Variants in HPSE2 observed in about 807,000 individuals in gnomAD.
HPSE2 encodes the protein heparanase 2 (inactive).
In HPSE2, 38 loss-of-function variants were observed where a neutral mutation model predicts 60.5. The observed-to-expected ratio is 0.63, with a 90% CI of 0.48 to 0.82. The LOEUF (loss-of-function observed/expected upper bound fraction) is 0.82. HPSE2 is among the 40% of genes least tolerant of loss of function. The pLI is 0.00. For synonymous variants in HPSE2, 295 were observed against 293.2 expected, an observed-to-expected ratio of 1.01 and a Z score of -0.06; for missense variants, 713 against 740.4, an observed-to-expected ratio of 0.96 and a Z score of 0.43.
At chr10:98,871,016 C>G (rs1187944949) in intron 3 of HPSE2, among the ~76,000 whole-genome samples, 7 of 151,820 alleles carry the variant, frequency 4.6e-5, no homozygotes, top group Admixed American at 4.6e-4. Flanking sequence ...CGCACTGGCT[C>G]CCTTTCCCTT....
At chr10:99,027,036 A>G (rs1957392383) in intron 3 of HPSE2, among the ~76,000 whole-genome samples, 1 of 152,120 alleles carries the variant, frequency 6.6e-6, no homozygotes, top group African/African-American at 2.4e-5. Flanking sequence ...TTCAAATGAA[A>G]AATCTAATAA....
intron 3 of HPSE2, among the ~76,000 whole-genome samples, chr10:99,036,216 GAATA>G: frequency 6.6e-6 from 1 of 152,038 alleles, no homozygotes; most frequent in African/African-American, 2.4e-5. Flanking sequence ...CCCTGACTCA[GAATA>G]AATAAACTAA....
intron 9 of HPSE2, among the ~76,000 whole-genome samples, chr10:98,545,804 G>C (rs950394149): frequency 5.9e-5 from 9 of 151,294 alleles, no homozygotes; most frequent in African/African-American, 2.2e-4. Flanking sequence ...TCTGGCCAGG[G>C]CAATTAGGCA....
chr10:99,030,764 T>C (rs367787134), intron 3 of HPSE2, among the ~76,000 whole-genome samples: 3 of 152,090 alleles, frequency 2.0e-5, no homozygotes, highest in Admixed American at 2.0e-4. Flanking sequence ...ATAAAGAAAA[T>C]GTAGTACATA....
At chr10:98,507,755 C>T (rs1012616830) in intron 9 of HPSE2, among the ~76,000 whole-genome samples, 2 of 152,110 alleles carry the variant, frequency 1.3e-5, no homozygotes, top group African/African-American at 4.8e-5. Context: ...TCCCTTTGTT[C>T]CTCCTTCTTC....
At chr10:99,276,815 C>A in the HPSE2 span, among the ~76,000 whole-genome samples, 2 of 152,012 alleles carry the variant, frequency 1.3e-5, no homozygotes, top group Non-Finnish European at 2.9e-5. Flanking sequence ...AAATTAGATG[C>A]CGTGGAGTGA....
At chr10:99,210,939 G>C (rs1342108226) in intron 2 of HPSE2, among the ~76,000 whole-genome samples, 1 of 152,066 alleles carries the variant, frequency 6.6e-6, no homozygotes, top group Non-Finnish European at 1.5e-5. Context: ...GCATAAAGAA[G>C]AAATAAAGGC....
At chr10:99,044,405 C>T (rs749625676) in intron 3 of HPSE2, among the ~76,000 whole-genome samples, 10 of 152,174 alleles carry the variant, frequency 6.6e-5, no homozygotes, top group African/African-American at 9.7e-5. Context: ...CATAAACACA[C>T]TTAAGCACAT....
intron 3 of HPSE2, among the ~76,000 whole-genome samples, chr10:99,062,426 G>C (rs920240260): frequency 1.3e-5 from 2 of 152,288 alleles, no homozygotes; most frequent in South Asian, 4.1e-4. Flanking sequence ...CATTCTTCCA[G>C]TCATTCTTCT....
chr10:98,481,674 T>C lies in HPSE2; in HGVS notation c.1613+962A>G, dbSNP rs141530063. 2.2e-3 allele frequency among the ~76,000 whole-genome samples: 330 copies of C among 152,272 alleles called. 1 individual carries two copies. Among genetic ancestry groups the C allele is most frequent in the African/African-American group, 7.4e-3 (308 of 41,554 alleles). ...TTTTTTGCTCCCATTGCAAATACAA[T>C]TGGAAGCCAAATGCAAGCCACCAAG... On this transcript the variant is annotated intron_variant, in intron 11 of 11. Transcript: ENST00000370552.
chr10:98,962,781 C>A (rs1291195907), intron 3 of HPSE2, among the ~76,000 whole-genome samples: 1 of 150,358 alleles, frequency 6.7e-6, no homozygotes, highest in African/African-American at 2.5e-5. Context: ...TTCTTATACA[C>A]CAACAACAGA....
chr10:98,598,402 T>C (rs1417260693), intron 9 of HPSE2, among the ~76,000 whole-genome samples: 1 of 151,628 alleles, frequency 6.6e-6, no homozygotes, highest in African/African-American at 2.4e-5. Context: ...ATTAATTGGG[T>C]CAATTAGGGC....
chr10:98,966,566 C>T (rs1452687284), intron 3 of HPSE2, among the ~76,000 whole-genome samples: 1 of 152,106 alleles, frequency 6.6e-6, no homozygotes, highest in Non-Finnish European at 1.5e-5. Flanking sequence ...AAACAGGAAA[C>T]AGTTAAATGG....
intron 3 of HPSE2, among the ~76,000 whole-genome samples, chr10:99,132,278 A>T (rs1845473113): frequency 6.6e-6 from 1 of 150,736 alleles, no homozygotes; most frequent in Non-Finnish European, 1.5e-5. Flanking sequence ...AAAGAAAGAA[A>T]AGAAATTACC....
At chr10:98,694,966 G>A (rs1948173793) in intron 5 of HPSE2, among the ~76,000 whole-genome samples, 1 of 152,198 alleles carries the variant, frequency 6.6e-6, no homozygotes, top group Non-Finnish European at 1.5e-5. Context: ...CCTCCAGGGA[G>A]AAGGATGGTG....
At chr10:99,303,749 T>C in the HPSE2 span, among the ~76,000 whole-genome samples, 4 of 152,312 alleles carry the variant, frequency 2.6e-5, no homozygotes, top group African/African-American at 9.6e-5. Context: ...AGTGGTAACA[T>C]GATGCTGTGG....
chr10:98,679,038 A>C (rs142075068), intron 6 of HPSE2, among the ~76,000 whole-genome samples: 163 of 152,312 alleles, frequency 1.1e-3, no homozygotes, highest in Non-Finnish European at 2.1e-3. Context: ...CAGAAGGAAG[A>C]GTGGTAACTA....
intron 3 of HPSE2, among the ~76,000 whole-genome samples, chr10:98,757,825 A>T (rs948121131): frequency 6.6e-6 from 1 of 152,208 alleles, no homozygotes; most frequent in Non-Finnish European, 1.5e-5. Context: ...TTTTCCACAG[A>T]ATTAGAAAAA....
intron 2 of HPSE2, among the ~76,000 whole-genome samples, chr10:99,222,919 A>AT (rs1310757974): frequency 6.6e-6 from 1 of 152,142 alleles, no homozygotes; most frequent in African/African-American, 2.4e-5. Context: ...TATGGCACAC[A>AT]TTTTTTTAAT....
Sources: gnomAD v4.1 joint callset for allele counts (sites outside exome capture counted in the v4.1 genomes callset) on GRCh38, gnomAD v4.1.1 for gene constraint, MANE v1.5 for transcripts, NCBI Gene and HGNC (gene_info 2026-07-23, HGNC 2026-07-21) for gene names.